Variants in EXOC4 observed in about 807,000 individuals in gnomAD.
EXOC4 encodes the protein SEC8-like 1.
In EXOC4, 71 loss-of-function variants were observed where a neutral mutation model predicts 107.2. That is an observed-to-expected ratio of 0.66 (90% CI 0.55 to 0.81). The LOEUF (loss-of-function observed/expected upper bound fraction) is 0.81, where lower values mean the gene tolerates loss of function less well. Ranked by LOEUF, EXOC4 falls within the 30% of genes least tolerant of loss-of-function variation. The pLI, the probability that EXOC4 is intolerant of heterozygous loss-of-function variation, is 0.00. For synonymous variants in EXOC4, 456 were observed against 441.2 expected, an observed-to-expected ratio of 1.03 and a Z score of -0.42; for missense variants, 1,108 against 1,189.6, an observed-to-expected ratio of 0.93 and a Z score of 1.01.
At chr7:133,896,769 G>A (rs903733814) in intron 12 of EXOC4, among the ~76,000 whole-genome samples, 6 of 146,610 alleles carry the variant, frequency 4.1e-5, no homozygotes, top group Non-Finnish European at 7.4e-5. Context: ...AGGTTCAAGC[G>A]ATTCTCCTGC....
At chr7:133,945,720 C>A (rs761931072) in intron 14 of EXOC4, among the ~76,000 whole-genome samples, 1 of 152,148 alleles carries the variant, frequency 6.6e-6, no homozygotes, top group Non-Finnish European at 1.5e-5. Flanking sequence ...CGCACAGTTG[C>A]GCAATATTCC....
chr7:133,858,153 C>T (rs1056876284), intron 11 of EXOC4, among the ~76,000 whole-genome samples: 2 of 152,180 alleles, frequency 1.3e-5, no homozygotes, highest in African/African-American at 4.8e-5. Context: ...CCTTTTCGCA[C>T]CCACCATTCG....
chr7:133,512,578 G>A (rs1358870953), intron 9 of EXOC4, among the ~76,000 whole-genome samples: 5 of 152,120 alleles, frequency 3.3e-5, no homozygotes, highest in Non-Finnish European at 7.3e-5. Flanking sequence ...AGATAGTTGT[G>A]AAGGCTCCCA....
Position 133,485,950 on chromosome 7 carries a change from T to C in EXOC4, c.1417+5812T>C, listed in dbSNP as rs78134115. On this transcript the variant is annotated intron_variant, in intron 9 of 17. Transcript: ENST00000253861. ...AGAAATGTATACTCAATTTCCATTATGTTTTCTTTTCTATCTCGGGGCTAC... is the reference window on the plus strand; with the variant it reads ...AGAAATGTATACTCAATTTCCATTACGTTTTCTTTTCTATCTCGGGGCTAC... Among the ~76,000 whole-genome samples, 51 of 152,332 alleles carry C rather than the reference T, an allele frequency of 3.3e-4. 1 individual carries two copies. The East Asian group carries it at 9.6e-3, about 29-fold the overall frequency.
the EXOC4 span, among the ~76,000 whole-genome samples, chr7:134,097,614 G>A: frequency 1.3e-5 from 2 of 152,270 alleles, no homozygotes; most frequent in South Asian, 2.1e-4. Flanking sequence ...CCGTCTGGGT[G>A]ACCCAAAACA....
At chr7:134,041,032 T>G (rs1441397219) in intron 17 of EXOC4, among the ~76,000 whole-genome samples, 2 of 152,162 alleles carry the variant, frequency 1.3e-5, no homozygotes, top group African/African-American at 4.8e-5. Context: ...CTCCCCAAAC[T>G]GATGGTAAAA....
intron 13 of EXOC4, among the ~76,000 whole-genome samples, chr7:133,936,762 C>T (rs749975182): frequency 3.9e-5 from 6 of 152,128 alleles, no homozygotes; most frequent in Admixed American, 3.9e-4. Context: ...CGGGTTCAAG[C>T]GATTCTCCTG....
intron 17 of EXOC4, among the ~76,000 whole-genome samples, chr7:134,019,415 GTGATGATGA>G (rs149056095): frequency 4.0e-5 from 6 of 148,758 alleles, no homozygotes; most frequent in African/African-American, 9.9e-5. Flanking sequence ...CTTTCTCTCA[GTGATGATGA>G]TGATGATGAT....
chr7:133,259,023 A>G lies in EXOC4; in HGVS notation c.86+5836A>G, dbSNP rs182760079. Among the ~76,000 whole-genome samples the G allele has an allele frequency of 6.8e-4, 103 of 152,220 alleles. 1 individual carries two copies. Among genetic ancestry groups the G allele is most frequent in the Middle Eastern group, 3.4e-3 (1 of 294 alleles). The stretch of plus-strand genomic sequence containing the variant: ...GGACAACAATATTGTGTATTGTACA[A>G]ATTTGTAAAGACGAGTCATAGGAAC... On this transcript the variant is annotated intron_variant, in intron 1 of 17. Transcript: ENST00000253861.
chr7:133,285,925 G>A (rs6963055), intron 2 of EXOC4, among the ~76,000 whole-genome samples: 22,630 of 151,884 alleles, frequency 0.15, 3,547 homozygotes, highest in African/African-American at 0.39. Context: ...ATACCCGGCT[G>A]ATTTTTTAAT....
intron 10 of EXOC4, among the ~76,000 whole-genome samples, chr7:133,750,472 G>A (rs1256299430): frequency 1.3e-5 from 2 of 152,154 alleles, no homozygotes; most frequent in African/African-American, 4.8e-5. Flanking sequence ...AAAGCAGAAT[G>A]CCTGTGGTGC....
chr7:133,305,701 C>T (rs1409651929), intron 3 of EXOC4, among the ~76,000 whole-genome samples, 176 bp from the exon 4 acceptor site: 1 of 152,066 alleles, frequency 6.6e-6, no homozygotes, highest in African/African-American at 2.4e-5. Context: ...TTTATCATTA[C>T]CTAAGGTGAG....
At chr7:133,539,285 C>CT (rs142915991) in intron 9 of EXOC4, among the ~76,000 whole-genome samples, 29 of 149,802 alleles carry the variant, frequency 1.9e-4, no homozygotes, top group South Asian at 1.9e-3. Flanking sequence ...TGGTATGAGA[C>CT]TTTTTTTTTT....
chr7:133,932,429 CTT>C (rs1326444271), intron 13 of EXOC4, among the ~76,000 whole-genome samples: 3 of 152,116 alleles, frequency 2.0e-5, no homozygotes, highest in African/African-American at 7.2e-5. Context: ...TTAATTAACT[CTT>C]TGTTGTTATT....
intron 7 of EXOC4, among the ~76,000 whole-genome samples, chr7:133,386,620 C>T (rs763550702): frequency 4.6e-5 from 7 of 152,118 alleles, no homozygotes; most frequent in Admixed American, 1.3e-4. Context: ...ATTACTGATA[C>T]GTGTACCATA....
chr7:134,064,599 G>A lies in EXOC4; in HGVS notation c.*71G>A, dbSNP rs914642594. On this transcript the variant is annotated 3_prime_UTR_variant, in exon 18 of 18. Coordinates refer to ENST00000253861, the MANE Select transcript of EXOC4 (RefSeq NM_021807.4). Reference sequence around the variant, plus strand: ...ACTTTTTTCCTTGGTATGTTATTGAGTATATTCTGAGCTTAGTTTTCTCTA... The same window carrying A: ...ACTTTTTTCCTTGGTATGTTATTGAATATATTCTGAGCTTAGTTTTCTCTA... 1.9e-6 allele frequency: 2 copies of A among 1,033,058 alleles called. No homozygotes were observed. The highest frequency in any genetic ancestry group is 3.2e-5 in the African/African-American group (2 of 62,470). The allele number at this position is 1,033,058 out of a possible 1,614,324, so 64.0% of individuals were successfully genotyped here.
chr7:133,654,392 G>A (rs1803235970), intron 10 of EXOC4, among the ~76,000 whole-genome samples: 2 of 152,022 alleles, frequency 1.3e-5, no homozygotes, highest in African/African-American at 2.4e-5. Flanking sequence ...AAGTTTTATG[G>A]GATTATTAGG....
At chr7:133,919,000 A>C (rs1035327067) in intron 13 of EXOC4, among the ~76,000 whole-genome samples, 9 of 152,198 alleles carry the variant, frequency 5.9e-5, no homozygotes, top group Non-Finnish European at 1.0e-4. Context: ...ACCTATAATC[A>C]TACACTACAG....
intron 14 of EXOC4, among the ~76,000 whole-genome samples, chr7:133,957,170 G>A (rs889306698): frequency 1.3e-5 from 2 of 152,116 alleles, no homozygotes; most frequent in Admixed American, 6.5e-5. Context: ...TTCTTCATTA[G>A]AGATTAATTT....
Sources: allele counts gnomAD v4.1 joint callset (sites outside exome capture counted in the v4.1 genomes callset), GRCh38; gene constraint gnomAD v4.1.1; transcripts MANE v1.5; gene names NCBI Gene and HGNC (gene_info 2026-07-23, HGNC 2026-07-21).